The following FBXW7 variants were observed in gnomAD, a reference collection of about 807,000 sequenced individuals.
FBXW7 encodes F-box and WD repeat domain containing 7, also known as F-box/WD repeat-containing protein 7.
FBXW7 carries 11 observed loss-of-function variants against 86.3 expected under a neutral mutation model. The observed-to-expected ratio is 0.13, with a 90% CI of 0.08 to 0.21. FBXW7 has a LOEUF of 0.21. Ranked by LOEUF, FBXW7 falls within the 10% of genes least tolerant of loss-of-function variation. FBXW7 has a pLI of 1.00. For missense variants in FBXW7, 488 were observed against 847.4 expected (o/e 0.58, Z 5.27); for synonymous variants, 313 against 297.9 (o/e 1.05, Z -0.52).
intron 9 of FBXW7, 111 bp from the exon 10 acceptor site, chr4:152,329,896 T>G: frequency 2.0e-6 from 1 of 493,762 alleles, no homozygotes; most frequent in Non-Finnish European, 3.4e-6. Context: ...GTAGTCTATC[T>G]CTAGAATTTA....
chr4:152,333,486 AAAAG>A (rs1198407228), intron 7 of FBXW7, among the ~76,000 whole-genome samples: 9 of 152,184 alleles, frequency 5.9e-5, no homozygotes, highest in Admixed American at 2.0e-4. Context: ...AAGAGAAAAA[AAAAG>A]AAAGAAGGGG....
In FBXW7 at chr4:152,411,788, G is replaced by C; in HGVS notation, c.16C>G (p.Leu6Val). The C allele has an allele frequency of 1.9e-6, 3 of 1,610,764 alleles. No homozygotes were observed. Among genetic ancestry groups the C allele is most frequent in the Non-Finnish European group, 2.5e-6 (3 of 1,178,270 alleles). Reference protein sequence around the residue: MNQELLSVGSKRRRTG... With the variant: MNQELVSVGSKRRRTG... ...CGTCGTCTTTTGCTGCCCACAGAGAGCAGTTCCTGATTCATTTCCAAAAGC... is the reference window on the plus strand; with the variant it reads ...CGTCGTCTTTTGCTGCCCACAGAGACCAGTTCCTGATTCATTTCCAAAAGC... The change falls in exon 4 of 14, where the codon CTC becomes GTC. Residue 6 changes from leucine (L) to valine (V), a missense_variant. Around this residue, in one of 4 missense-constraint regions of FBXW7, gnomAD observed 230 missense variants for 240.0 expected, o/e 0.96. Coordinates refer to ENST00000281708, the MANE Select transcript of FBXW7 (RefSeq NM_001349798.2).
At chr4:152,378,881 C>T (rs1308759902) in intron 4 of FBXW7, among the ~76,000 whole-genome samples, 1 of 152,092 alleles carries the variant, frequency 6.6e-6, no homozygotes, top group Admixed American at 6.6e-5. Flanking sequence ...TGGCATGCAC[C>T]TGTAGTCCCA....
Position 152,376,327 on chromosome 4 carries a change from G to A in FBXW7, c.502-26203C>T, listed in dbSNP as rs1358603083. 5.3e-5 allele frequency among the ~76,000 whole-genome samples: 8 copies of A among 151,842 alleles called. No homozygotes were observed. In the East Asian group the frequency reaches 9.6e-4, roughly 18 times the overall value. Reference sequence around the variant, plus strand: ...TTTACCAACAGAGCTTATGATGGTCGGTGTTTTGGGTATGTATAAAATCTT... The same window carrying A: ...TTTACCAACAGAGCTTATGATGGTCAGTGTTTTGGGTATGTATAAAATCTT... On this transcript the variant is annotated intron_variant, in intron 4 of 13. Coordinates refer to ENST00000281708, the MANE Select transcript of FBXW7 (RefSeq NM_001349798.2).
intron 6 of FBXW7, chr4:152,346,719 T>C: frequency 1.9e-6 from 1 of 535,414 alleles, no homozygotes; most frequent in South Asian, 2.7e-5. Flanking sequence ...CTACTTTCTG[T>C]CTCTATGGAT....
intron 2 of FBXW7, among the ~76,000 whole-genome samples, chr4:152,445,923 A>G (rs1428372904): frequency 1.6e-5 from 1 of 63,930 alleles, no homozygotes; most frequent in Non-Finnish European, 2.9e-5. Context: ...AAAAAAAAAA[A>G]AAAAAAAAAA....
intron 2 of FBXW7, among the ~76,000 whole-genome samples, chr4:152,510,996 T>C (rs1005314580): frequency 1.3e-5 from 2 of 151,748 alleles, no homozygotes; most frequent in African/African-American, 4.8e-5. Context: ...CAGGCTAGAG[T>C]GCAGTGATCA....
At position 152,321,321 on chromosome 4, in the gene FBXW7, A is replaced by G. The variant is rs1166655247; in HGVS notation, c.*1560T>C. 8.6e-6 allele frequency: 2 copies of G among 232,756 alleles called. No homozygotes were observed. Among genetic ancestry groups the G allele is most frequent in the African/African-American group, 4.4e-5 (2 of 45,306 alleles). 14.4% of individuals were successfully genotyped at this position (232,756 alleles called of 1,614,324 possible). On this transcript the variant is annotated 3_prime_UTR_variant, in exon 14 of 14. Coordinates refer to ENST00000281708, the MANE Select transcript of FBXW7 (RefSeq NM_001349798.2). ...AGAAAATAAAATTTCTAAGTGAATC[A>G]AACCATAGACACAATCCCTTTAAAG... is the stretch of plus-strand genomic sequence containing the variant.
intron 2 of FBXW7, among the ~76,000 whole-genome samples, chr4:152,446,545 T>C (rs1282734508): frequency 1.3e-5 from 2 of 152,206 alleles, no homozygotes; most frequent in Non-Finnish European, 2.9e-5. Context: ...GGTTATCAAA[T>C]AGATTAATGG....
intron 4 of FBXW7, among the ~76,000 whole-genome samples, chr4:152,361,124 A>G (rs1178075223): frequency 6.6e-6 from 1 of 152,092 alleles, no homozygotes; most frequent in Non-Finnish European, 1.5e-5. Context: ...AGAAACAAAA[A>G]TAACACTGGA....
At chr4:152,493,461 A>G (rs1746047519) in intron 2 of FBXW7, among the ~76,000 whole-genome samples, 2 of 152,150 alleles carry the variant, frequency 1.3e-5, no homozygotes, top group Non-Finnish European at 2.9e-5. Flanking sequence ...CAATGCGTCC[A>G]GCCAAGGATA....
rs546012161 is a variant in FBXW7, at chr4:152,389,893, G to T, written c.501+21410C>A. ...TTTATAAAATATATCCAAATAAAAT[G>T]CATTGTTTCAATTCTTTTGTGTCTG... is the stretch of plus-strand genomic sequence containing the variant. On this transcript the variant is annotated intron_variant, in intron 4 of 13. Transcript: ENST00000281708. Among the ~76,000 whole-genome samples the T allele has an allele frequency of 3.3e-5, 5 of 152,044 alleles. No individual in the cohort carries two copies. In the South Asian group the frequency reaches 1.0e-3, roughly 32 times the overall value.
intron 11 of FBXW7, among the ~76,000 whole-genome samples, chr4:152,326,969 C>G (rs1276961444): frequency 6.6e-6 from 1 of 151,850 alleles, no homozygotes; most frequent in Non-Finnish European, 1.5e-5. Flanking sequence ...AATGGCTATC[C>G]CTTAAACATT....
intron 2 of FBXW7, among the ~76,000 whole-genome samples, chr4:152,531,325 T>C (rs926472688): frequency 5.3e-5 from 8 of 152,186 alleles, no homozygotes; most frequent in Non-Finnish European, 8.8e-5. Flanking sequence ...AGAATCACCT[T>C]AGACCTATCT....
intron 11 of FBXW7, among the ~76,000 whole-genome samples, chr4:152,327,559 A>G (rs1192945614): frequency 6.6e-6 from 1 of 152,068 alleles, no homozygotes; most frequent in East Asian, 1.9e-4. Context: ...AGAAAGTCAA[A>G]AAGTCCAGTT....
rs1750499335 is a variant in FBXW7 at position 152,535,808 on chromosome 4, C to T, written c.-894G>A. 5.1e-6 allele frequency: 2 copies of T among 393,966 alleles called. No homozygotes were observed. The highest frequency in any genetic ancestry group is 9.0e-6 in the Non-Finnish European group (2 of 223,332). 24.4% of individuals were successfully genotyped at this position (393,966 alleles called of 1,614,324 possible). A position where few individuals can be genotyped will look rare whatever the true frequency, so the allele number is the denominator to read the frequency against. On this transcript the variant is annotated 5_prime_UTR_variant, in exon 1 of 14. Coordinates refer to ENST00000281708, the MANE Select transcript of FBXW7 (RefSeq NM_001349798.2). ...GCCTCCCTGCCCCCCAAGCCGCCGG[C>T]TCCGGCTCAGGCTCGGGCTCCGGCT...
At chr4:152,533,864 G>A (rs1405471558) in intron 2 of FBXW7, among the ~76,000 whole-genome samples, 5 of 152,146 alleles carry the variant, frequency 3.3e-5, no homozygotes, top group African/African-American at 1.2e-4. Context: ...GGAGAACTTC[G>A]AAAAGAGAGA....
intron 4 of FBXW7, among the ~76,000 whole-genome samples, chr4:152,374,439 T>C (rs1579030155): frequency 6.6e-6 from 1 of 152,034 alleles, no homozygotes; most frequent in Non-Finnish European, 1.5e-5. Flanking sequence ...ATTTAGAAAA[T>C]GAAATATTCA....
At chr4:152,524,463 G>A (rs1385276021) in intron 2 of FBXW7, among the ~76,000 whole-genome samples, 1 of 152,174 alleles carries the variant, frequency 6.6e-6, no homozygotes, top group African/African-American at 2.4e-5. Context: ...AAATAACACT[G>A]ATTATCCCAT....
Sources: allele counts gnomAD v4.1 joint callset (sites outside exome capture counted in the v4.1 genomes callset), GRCh38; gene constraint gnomAD v4.1.1; regional missense constraint gnomAD v4.1.1; transcripts MANE v1.5; gene names NCBI Gene and HGNC (gene_info 2026-07-23, HGNC 2026-07-21).